The following ACAD10 variants were observed in gnomAD, a reference collection of about 807,000 sequenced individuals.
ACAD10 encodes ACAD-10.
In ACAD10, 112 loss-of-function variants were observed where a neutral mutation model predicts 116.8. The ratio of observed to expected loss-of-function variants is 0.96; its 90% CI spans 0.82 to 1.12. The LOEUF (loss-of-function observed/expected upper bound fraction) is 1.12, where lower values mean the gene tolerates loss of function less well. Among genes scored for constraint, ACAD10 ranks in the 50% most tolerant of loss-of-function variants. The probability of loss-of-function intolerance (pLI) is 0.00; values close to 1 mark genes in which losing one functional copy is unlikely to be tolerated. For missense variants in ACAD10, 1,259 were observed against 1,350.2 expected (o/e 0.93, Z 1.06); for synonymous variants, 486 against 510.6 (o/e 0.95, Z 0.65).
chr12:111,727,697 A>G (rs1889256825), intron 8 of ACAD10, among the ~76,000 whole-genome samples: 1 of 152,164 alleles, frequency 6.6e-6, no homozygotes, highest in Non-Finnish European at 1.5e-5. Flanking sequence ...TCCAAGAAGC[A>G]TAGATGGGTG....
intron 2 of ACAD10, among the ~76,000 whole-genome samples, chr12:111,694,488 C>CT (rs148866836): frequency 0.015 from 2,334 of 151,774 alleles, 72 homozygotes; most frequent in African/African-American, 0.053. Flanking sequence ...GCACAACAGT[C>CT]TTTTTTAGAG....
Position 111,756,746 on chromosome 12 carries a change from A to G in ACAD10, c.*273A>G, listed in dbSNP as rs1566173330. The G allele has an allele frequency of 1.6e-6, 1 of 614,178 alleles. No homozygotes were observed. Among genetic ancestry groups the G allele is most frequent in the Non-Finnish European group, 3.0e-6 (1 of 331,904 alleles). The allele number at this position is 614,178 out of a possible 1,614,324, so 38.0% of individuals were successfully genotyped here. On this transcript the variant is annotated 3_prime_UTR_variant, in exon 21 of 21. Transcript: ENST00000313698. ...CTGGAAAGCTGGTCTTCAGGCTCTC[A>G]GTCCCAGGCTGGGCAGGCACGGTCA...
intron 7 of ACAD10, among the ~76,000 whole-genome samples, chr12:111,716,508 A>G (rs989302123): frequency 2.5e-4 from 38 of 152,336 alleles, no homozygotes; most frequent in African/African-American, 8.4e-4. Context: ...AAATAATTCT[A>G]AGTAGGGGGA....
At chr12:111,706,782 A>ATTTT (rs36125603) in intron 4 of ACAD10, among the ~76,000 whole-genome samples, 1,361 of 126,470 alleles carry the variant, frequency 0.011, 42 homozygotes, top group Admixed American at 0.066. Context: ...ATATATATAT[A>ATTTT]TTTTTTTTTT....
intron 18 of ACAD10, among the ~76,000 whole-genome samples, chr12:111,750,089 T>C (rs1890030438): frequency 7.1e-6 from 1 of 140,872 alleles, no homozygotes; most frequent in South Asian, 2.2e-4. Context: ...AGAAAAAGTT[T>C]TTTTTGTTTT....
At chr12:111,736,185 G>GT (rs35268951) in intron 11 of ACAD10, among the ~76,000 whole-genome samples, 16,688 of 97,756 alleles carry the variant, frequency 0.17, 1,824 homozygotes, top group East Asian at 0.27. Context: ...CCAGCCAATT[G>GT]TTTTTTTTTT....
chr12:111,756,412 ACGGC>A lies in ACAD10; in HGVS notation c.3121_3124del (p.Gly1041LeufsTer12). 1 of 1,612,540 alleles carries A rather than the reference ACGGC, an allele frequency of 6.2e-7. No individual in the cohort carries two copies. The highest frequency in any genetic ancestry group is 8.5e-7 in the Non-Finnish European group (1 of 1,179,806). On this transcript the variant is annotated frameshift_variant, in exon 21 of 21. Transcript: ENST00000313698. LOFTEE classifies it high-confidence loss of function. The stretch of plus-strand genomic sequence containing the variant: ...TGGGCCCGAGCCCTGCGCTTTGCCG[ACGGC>A]CCTGACGAGGTGCACCGGGCCACGG...
intron 1 of ACAD10, among the ~76,000 whole-genome samples, chr12:111,688,808 A>C (rs1466689084): frequency 6.6e-6 from 1 of 151,680 alleles, no homozygotes; most frequent in Non-Finnish European, 1.5e-5. Flanking sequence ...TCTCAAAACA[A>C]AACAAAAAAA....
chr12:111,732,180 G>T (rs914642981), intron 10 of ACAD10, among the ~76,000 whole-genome samples: 3 of 152,152 alleles, frequency 2.0e-5, no homozygotes, highest in Non-Finnish European at 2.9e-5. Context: ...CTGCAGCTTT[G>T]CACCAAGAGA....
chr12:111,691,199 A>T (rs2135940963), intron 1 of ACAD10: 1 of 152,250 alleles, frequency 6.6e-6, no homozygotes, highest in African/African-American at 2.4e-5. Context: ...ACATGTATGT[A>T]TGTGTGTTGT....
chr12:111,732,643 T>G (rs1021594841), intron 10 of ACAD10, among the ~76,000 whole-genome samples: 2 of 152,204 alleles, frequency 1.3e-5, no homozygotes, highest in Non-Finnish European at 2.9e-5. Context: ...AAATAAAGCA[T>G]GCATTACAGA....
intron 2 of ACAD10, among the ~76,000 whole-genome samples, chr12:111,697,554 T>G (rs1888224631): frequency 6.7e-6 from 1 of 150,322 alleles, no homozygotes; most frequent in African/African-American, 2.4e-5. Context: ...AGAGACAGGG[T>G]TTCGCCATGT....
intron 17 of ACAD10, chr12:111,748,971 T>C: frequency 6.4e-7 from 1 of 1,561,620 alleles, no homozygotes; most frequent in Non-Finnish European, 8.8e-7. Flanking sequence ...AATAGTCATT[T>C]GCCATTATAA....
At chr12:111,735,707 G>A (rs1232927718) in intron 11 of ACAD10, among the ~76,000 whole-genome samples, 1 of 152,028 alleles carries the variant, frequency 6.6e-6, no homozygotes, top group Non-Finnish European at 1.5e-5. Flanking sequence ...CGCCCGCCTT[G>A]GCCTCCCAAA....
rs117073312 is a variant in ACAD10, at chr12:111,695,113, C to T, written c.187+2217C>T. Among the ~76,000 whole-genome samples the T allele has an allele frequency of 1.7e-4, 26 of 152,256 alleles. No individual in the cohort carries two copies. The East Asian group carries it at 4.4e-3, about 26-fold the overall frequency. ...AATCTTGAATGCCTGCATGTGGTCC[C>T]CTAGATTAAGTCTAGAAGCTTTCAC... On this transcript the variant is annotated intron_variant, in intron 2 of 20. Coordinates refer to ENST00000313698, the MANE Select transcript of ACAD10 (RefSeq NM_025247.6).
intron 18 of ACAD10, chr12:111,749,716 C>T: frequency 5.7e-6 from 1 of 176,164 alleles, no homozygotes; most frequent in Non-Finnish European, 1.2e-5. Flanking sequence ...TGCTTGAAGC[C>T]AAGCATTTGA....
At chr12:111,697,314 G>A (rs1169879266) in intron 2 of ACAD10, among the ~76,000 whole-genome samples, 2 of 150,452 alleles carry the variant, frequency 1.3e-5, no homozygotes, top group Non-Finnish European at 3.0e-5. Context: ...TAAAATTTTT[G>A]TTAGTGTGAT....
chr12:111,709,770 T>G, intron 5 of ACAD10, 86 bp downstream of exon 5: 11 of 1,360,952 alleles, frequency 8.1e-6, no homozygotes, highest in Non-Finnish European at 9.9e-6. Context: ...TTTGTAGCTC[T>G]AGCTTTCCTT....
At position 111,712,777 on chromosome 12, in the gene ACAD10, T is replaced by C. The variant is rs960437049; in HGVS notation, c.850+120T>C. The stretch of plus-strand genomic sequence containing the variant: ...CAAAGAAGCTTTACAGTGAGGAAAA[T>C]AGCCATTGGGCCTGGTGCATCGGAG... On this transcript the variant is annotated intron_variant, in intron 6 of 20. Coordinates refer to ENST00000313698, the MANE Select transcript of ACAD10 (RefSeq NM_025247.6). 8.7e-6 allele frequency: 10 copies of C among 1,145,720 alleles called. No homozygotes were observed. The East Asian group carries it at 9.5e-5, about 11-fold the overall frequency. 71.0% of individuals were successfully genotyped at this position (1,145,720 alleles called of 1,614,324 possible).
Sources: allele counts gnomAD v4.1 joint callset (sites outside exome capture counted in the v4.1 genomes callset), GRCh38; gene constraint gnomAD v4.1.1; transcripts MANE v1.5; gene names NCBI Gene and HGNC (gene_info 2026-07-23, HGNC 2026-07-21).